The following SYNE2 variants were observed in gnomAD, a reference collection of about 807,000 sequenced individuals.
SYNE2 encodes the protein spectrin repeat containing nuclear envelope protein 2.
In SYNE2, 431 loss-of-function variants were observed where a neutral mutation model predicts 856.3. The ratio of observed to expected loss-of-function variants is 0.50; its 90% confidence interval spans 0.47 to 0.55. SYNE2 has a LOEUF of 0.55. SYNE2 is among the 20% of genes least tolerant of loss of function. The pLI is 0.00. For synonymous variants in SYNE2, 2,923 were observed against 2,872.3 expected (o/e 1.02, Z -0.56); for missense variants, 8,129 against 8,023.2 (o/e 1.01, Z -0.50).
At chr14:64,126,884 C>G in intron 73 of SYNE2, 77 bp downstream of exon 73, 1 of 1,415,240 alleles carries the variant, frequency 7.1e-7, no homozygotes, top group South Asian at 1.2e-5. Flanking sequence ...ATTCCTATTC[C>G]TGGTGACATT....
chr14:63,809,444 T>C lies in SYNE2; in HGVS notation c.-304-43057T>C, dbSNP rs570099199. Among the ~76,000 whole-genome samples, 8 of 152,306 alleles carry C rather than the reference T, an allele frequency of 5.3e-5. No individual in the cohort carries two copies. The South Asian group carries it at 1.7e-3, about 32-fold the overall frequency. On this transcript the variant is annotated intron_variant, in intron 1 of 23. Coordinates refer to the SYNE2 transcript ENST00000674003. ...AAATAGATAACCAGGTATTGCCTCATTGTGGTCTATGATCCTATAATCAAG... is the reference window on the plus strand; with the variant it reads ...AAATAGATAACCAGGTATTGCCTCACTGTGGTCTATGATCCTATAATCAAG...
chr14:64,148,530 G>A lies in SYNE2; in HGVS notation c.15639+2307G>A, dbSNP rs74058328. Among the ~76,000 whole-genome samples, 719 of 151,414 alleles carry A rather than the reference G, an allele frequency of 4.7e-3. 5 individuals are homozygous for A. Among genetic ancestry groups the A allele is most frequent in the African/African-American group, 0.016 (666 of 41,254 alleles). The stretch of plus-strand genomic sequence containing the variant: ...GAATTATTTCTACTTCCCTCCCCTC[G>A]CCCCCACCATCCACACACAGGTTCT... On this transcript the variant is annotated intron_variant, in intron 84 of 115. Transcript: ENST00000555002.
Position 63,948,452 on chromosome 14 carries a change from A to G in SYNE2, c.409-1373A>G, listed in dbSNP as rs1202066195. On this transcript the variant is annotated intron_variant, in intron 6 of 115. Coordinates refer to ENST00000555002, the MANE Select transcript of SYNE2 (RefSeq NM_182914.3). ...GCTGAGGCAGGCAGATCACAAGGTG[A>G]GGAGTTCGAGACCAACCTGACCGAC... 2.0e-5 allele frequency among the ~76,000 whole-genome samples: 3 copies of G among 151,994 alleles called. No homozygotes were observed. The East Asian group carries it at 5.8e-4, about 29-fold the overall frequency.
intron 45 of SYNE2, among the ~76,000 whole-genome samples, chr14:64,037,912 C>G (rs1269858041): frequency 1.3e-5 from 2 of 151,358 alleles, no homozygotes; most frequent in African/African-American, 2.4e-5. Context: ...ACCTCCCTCC[C>G]GGACCGGGCG....
At chr14:64,206,905 T>G (rs2098607988) in intron 100 of SYNE2, among the ~76,000 whole-genome samples, 1 of 152,212 alleles carries the variant, frequency 6.6e-6, no homozygotes, top group African/African-American at 2.4e-5. Flanking sequence ...ATATGTATCT[T>G]CTAATTTTAG....
chr14:63,930,533 CTT>C (rs147797429), intron 2 of SYNE2, among the ~76,000 whole-genome samples: 34 of 128,386 alleles, frequency 2.6e-4, no homozygotes, highest in Non-Finnish European at 2.0e-4. Flanking sequence ...CATTATCCTT[CTT>C]TTTTTTTTTT....
At position 63,982,640 on chromosome 14, in the gene SYNE2, A is replaced by G. The variant is rs1298100376; in HGVS notation, c.1847A>G (p.Glu616Gly). Reference protein sequence around the residue: ...KKEEIKEVPFETLAQWNLEHA... With the variant: ...KKEEIKEVPFGTLAQWNLEHA... Reference sequence around the variant, plus strand: ...TTGTGTATCATGTAGGTACCCTTTGAGACACTAGCCCAGTGGAATCTAGAA... The same window carrying G: ...TTGTGTATCATGTAGGTACCCTTTGGGACACTAGCCCAGTGGAATCTAGAA... Residue 616 changes from glutamate (E) to glycine (G), a missense_variant, in exon 17 of 116, where the codon GAG becomes GGG. Around this residue, in one of 3 missense-constraint regions of SYNE2, gnomAD observed 2,422 missense variants for 2,357.4 expected, o/e 1.03. Transcript: ENST00000555002. 1 of 1,614,040 alleles carries G rather than the reference A, an allele frequency of 6.2e-7. No individual in the cohort carries two copies. The highest frequency in any genetic ancestry group is 8.5e-7 in the Non-Finnish European group (1 of 1,179,956).
In SYNE2 at chr14:64,049,596, G is replaced by A. The variant is rs750483454; in HGVS notation, c.7378-15G>A. The A allele has an allele frequency of 1.9e-6, 3 of 1,613,604 alleles. No homozygotes were observed. The highest frequency in any genetic ancestry group is 2.2e-5 in the South Asian group (2 of 91,056). ...AGTGAGTGTTTATTGACTGATCTGT[G>A]TGACTTATTTTTAGAAATTATATAC... On this transcript the variant is annotated splice_polypyrimidine_tract_variant and intron_variant, in intron 46 of 115. Coordinates refer to ENST00000555002, the MANE Select transcript of SYNE2 (RefSeq NM_182914.3).
At chr14:64,183,926 C>G (rs2098474801) in intron 96 of SYNE2, among the ~76,000 whole-genome samples, 1 of 118,218 alleles carries the variant, frequency 8.5e-6, no homozygotes, top group African/African-American at 3.3e-5. Flanking sequence ...AGAGGGGGCT[C>G]GGCATCAGAG....
chr14:63,993,474 C>T (rs1210029305), intron 21 of SYNE2, among the ~76,000 whole-genome samples: 1 of 152,192 alleles, frequency 6.6e-6, no homozygotes, highest in African/African-American at 2.4e-5. Context: ...TACTTAAGAA[C>T]TTTAGAGGAA....
At position 64,021,851 on chromosome 14, in the gene SYNE2, A is replaced by G. The variant is rs545080433; in HGVS notation, c.5353-6A>G. 6.2e-7 allele frequency: 1 copy of G among 1,613,752 alleles called. No individual in the cohort carries two copies. The highest frequency in any genetic ancestry group is 1.3e-5 in the African/African-American group (1 of 75,014). The stretch of plus-strand genomic sequence containing the variant: ...TTTAATGGTTGTTGTTTGTTTATGC[A>G]TTTAGGAGATACAACAGCAGATTCT... On this transcript the variant is annotated splice_region_variant and splice_polypyrimidine_tract_variant and intron_variant, in intron 36 of 115. Coordinates refer to ENST00000555002, the MANE Select transcript of SYNE2 (RefSeq NM_182914.3).
At position 63,945,104 on chromosome 14, in the gene SYNE2, CTTTTTTTT is replaced by C. The variant is rs34692882; in HGVS notation, c.408+2976_408+2983del. Among the ~76,000 whole-genome samples the C allele has an allele frequency of 1.0e-4, 11 of 106,252 alleles. No individual in the cohort carries two copies. In the East Asian group the frequency reaches 1.9e-3, roughly 18 times the overall value. 69.7% of individuals were successfully genotyped at this position (106,252 alleles called of 152,430 possible). On this transcript the variant is annotated intron_variant, in intron 6 of 115. Coordinates refer to ENST00000555002, the MANE Select transcript of SYNE2 (RefSeq NM_182914.3). ...ATAGGCATGAGCCACCACACCTGGCCTTTTTTTTTTTTTTTTTTTTTTAATTAAAAAAT... is the reference window on the plus strand; with the variant it reads ...ATAGGCATGAGCCACCACACCTGGCCTTTTTTTTTTTTTTAATTAAAAAAT...
intron 65 of SYNE2, among the ~76,000 whole-genome samples, chr14:64,109,274 C>T (rs1464449740): frequency 6.7e-6 from 1 of 150,212 alleles, no homozygotes; most frequent in Non-Finnish European, 1.5e-5. Context: ...ATAATGATGA[C>T]AATAAAGAGA....
chr14:63,941,548 A>G, intron 3 of SYNE2, 147 bp from the exon 4 acceptor site: 4 of 687,020 alleles, frequency 5.8e-6, no homozygotes, highest in Non-Finnish European at 1.0e-5. Flanking sequence ...TTTGATATGA[A>G]TCTTTGCATG....
exon 1 of SYNE2, chr14:63,761,914 C>A (rs988807155): frequency 1.5e-4 from 35 of 237,236 alleles, no homozygotes; most frequent in Non-Finnish European, 2.3e-4. Context: ...ACCGCCGTGA[C>A]GACCAGAGTA....
At position 64,223,216 on chromosome 14, in the gene SYNE2, C is replaced by A; in HGVS notation, c.20218C>A (p.Gln6740Lys). 1.2e-6 allele frequency: 2 copies of A among 1,614,014 alleles called. No homozygotes were observed. The highest frequency in any genetic ancestry group is 2.2e-5 in the South Asian group (2 of 90,996). The change falls in exon 113 of 116, where the codon CAA becomes AAA. Residue 6740 changes from glutamine to lysine, a missense_variant. Around this residue, in one of 3 missense-constraint regions of SYNE2, gnomAD observed 5,410 missense variants for 5,284.8 expected, o/e 1.02. Transcript: ENST00000555002. Reference protein sequence around the residue: ...MQLEKELVERQPQVDMLQEIS... With the variant: ...MQLEKELVERKPQVDMLQEIS... ...ACTGGAAAAGGAGCTGGTAGAACGT[C>A]AACCTCAAGTGGACATGTTACAGGA...
Position 64,007,060 on chromosome 14 carries a change from G to A in SYNE2, c.4415G>A (p.Arg1472Lys), listed in dbSNP as rs1409166906. ...TAATCAAGGAAAAAATCATTAATCA[G>A]ACTGGATAAGGTTCTAGATGAATAT... The part of the protein sequence containing the change: ...AVKHRKKSLI[R>K]LDKVLDEYEE... The change falls in exon 31 of 116, where the codon AGA becomes AAA. Residue 1472 changes from arginine (R) to lysine (K), a missense_variant. By Grantham distance (26) the Arg-to-Lys change is conservative (BLOSUM62 2). Transcript: ENST00000555002. The A allele has an allele frequency of 1.9e-6, 3 of 1,613,218 alleles. No homozygotes were observed. The highest frequency in any genetic ancestry group is 2.5e-6 in the Non-Finnish European group (3 of 1,179,592).
At chr14:63,904,768 A>G (rs2095386773) in intron 1 of SYNE2, among the ~76,000 whole-genome samples, 2 of 151,638 alleles carry the variant, frequency 1.3e-5, no homozygotes, top group Non-Finnish European at 1.5e-5. Context: ...TAGGTTGTTT[A>G]CTTTGTTGAT....
rs200185384 is a variant in SYNE2 at position 64,053,574 on chromosome 14, T to A, written c.9661T>A (p.Ser3221Thr). ...AIEKQREENS[S>T]EASDVETKLR... ...TGAGAAACAAAGAGAAGAAAACTCT[T>A]CTGAAGCGAGTGATGTGGAGACAAA... is the stretch of plus-strand genomic sequence containing the variant. Residue 3221 changes from serine to threonine, a missense_variant, in exon 48 of 116, where the codon TCT becomes ACT. By Grantham distance (58) the Ser-to-Thr change is moderately conservative. Coordinates refer to ENST00000555002, the MANE Select transcript of SYNE2 (RefSeq NM_182914.3). 1 of 1,614,044 alleles carries A rather than the reference T, an allele frequency of 6.2e-7. No homozygotes were observed. Among genetic ancestry groups the A allele is most frequent in the South Asian group, 1.1e-5 (1 of 91,060 alleles).
Sources: gnomAD v4.1 joint callset for allele counts (sites outside exome capture counted in the v4.1 genomes callset) on GRCh38, gnomAD v4.1.1 for gene constraint, gnomAD v4.1.1 regional missense constraint, MANE v1.5 for transcripts, NCBI Gene and HGNC (gene_info 2026-07-23, HGNC 2026-07-21) for gene names.